The following CHEK2 variants were observed in gnomAD, a reference collection of about 807,000 sequenced individuals.
CHEK2 encodes the protein checkpoint kinase 2.
In CHEK2, 71 loss-of-function variants were observed where a neutral mutation model predicts 69.1. That is an observed-to-expected ratio of 1.03 (90% CI 0.85 to 1.25). CHEK2 has a LOEUF of 1.25. Among genes scored for constraint, CHEK2 ranks in the 50% most tolerant of loss-of-function variants. The pLI is 0.00. For missense variants in CHEK2, 664 were observed against 649.6 expected, an observed-to-expected ratio of 1.02 and a Z score of -0.24; for synonymous variants, 189 against 226.9, an observed-to-expected ratio of 0.83 and a Z score of 1.50.
At chr22:28,711,661 A>G (rs1047098774) in intron 6 of CHEK2, among the ~76,000 whole-genome samples, 25 of 152,102 alleles carry the variant, frequency 1.6e-4, no homozygotes, top group African/African-American at 5.1e-4. Context: ...GGAAGAAGAA[A>G]AAAAAAAACT....
At chr22:28,732,101 C>T (rs1322320912) in intron 2 of CHEK2, among the ~76,000 whole-genome samples, 1 of 151,840 alleles carries the variant, frequency 6.6e-6, no homozygotes. Flanking sequence ...GCCACAACGC[C>T]CCGCAAATTT....
In CHEK2 at chr22:28,722,230, T is replaced by C. The variant is rs188537622; in HGVS notation, c.593-2745A>G. Among the ~76,000 whole-genome samples, 438 of 151,978 alleles carry C rather than the reference T, an allele frequency of 2.9e-3. 1 individual carries two copies. The highest frequency in any genetic ancestry group is 0.01 in the African/African-American group (416 of 41,460). On this transcript the variant is annotated intron_variant, in intron 4 of 14. Coordinates refer to ENST00000404276, the MANE Select transcript of CHEK2 (RefSeq NM_007194.4). Reference sequence around the variant, plus strand: ...CAAAACCTAAAGCAGCTGCCCTGACTATAACTGTCAGATAGAAAACAAAAT... The same window carrying C: ...CAAAACCTAAAGCAGCTGCCCTGACCATAACTGTCAGATAGAAAACAAAAT...
chr22:28,697,596 G>T (rs1349519686), intron 9 of CHEK2, among the ~76,000 whole-genome samples: 1 of 149,994 alleles, frequency 6.7e-6, no homozygotes, highest in African/African-American at 2.5e-5. Flanking sequence ...TTGAAACAAG[G>T]TCTCACTCTG....
At chr22:28,722,157 C>A (rs1480777074) in intron 4 of CHEK2, among the ~76,000 whole-genome samples, 1 of 152,014 alleles carries the variant, frequency 6.6e-6, no homozygotes. Context: ...AGAGGACAGA[C>A]CAAATTTCAG....
Position 28,687,773 on chromosome 22 carries a change from C to T in CHEK2, c.*124G>A, listed in dbSNP as rs1022104515. 4 of 789,414 alleles carry T rather than the reference C, an allele frequency of 5.1e-6. No homozygotes were observed. The African/African-American group carries it at 6.8e-5, about 13-fold the overall frequency. The allele number at this position is 789,414 out of a possible 1,614,324, so 48.9% of individuals were successfully genotyped here. A position where few individuals can be genotyped will look rare whatever the true frequency, so the allele number is the denominator to read the frequency against. On this transcript the variant is annotated 3_prime_UTR_variant, in exon 15 of 15. Transcript: ENST00000404276. ...TTCCATCAGGTTTTTAATTGTACAT[C>T]AGTGACTGTGAAAAAGCAATTATTC...
At chr22:28,718,883 AACACAC>A (rs144577000) in intron 5 of CHEK2, among the ~76,000 whole-genome samples, 4,027 of 140,410 alleles carry the variant, frequency 0.029, 103 homozygotes, top group African/African-American at 0.074. Context: ...CTCTGACACT[AACACAC>A]ACACACACAC....
intron 13 of CHEK2, among the ~76,000 whole-genome samples, chr22:28,689,846 T>G (rs562415193): frequency 1.3e-5 from 2 of 151,988 alleles, no homozygotes; most frequent in Non-Finnish European, 2.9e-5. Context: ...GCACAGACAG[T>G]GTGTATGCGA....
At chr22:28,695,082 C>T (rs1052258209) in intron 12 of CHEK2, 45 bp downstream of exon 12, 1 of 1,183,524 alleles carries the variant, frequency 8.4e-7, no homozygotes, top group African/African-American at 1.5e-5. Flanking sequence ...ACAGCACATA[C>T]ACATTTTAGC....
intron 8 of CHEK2, among the ~76,000 whole-genome samples, chr22:28,701,192 TGTGATCAGGG>T (rs539799078): frequency 2.0e-5 from 3 of 152,202 alleles, no homozygotes; most frequent in Admixed American, 6.6e-5. Flanking sequence ...CTCCCAGTGC[TGTGATCAGGG>T]GTGATCAGGG....
Position 28,723,523 on chromosome 22 carries a change from G to A in CHEK2, c.592+1454C>T, listed in dbSNP as rs368084223. 3.9e-3 allele frequency among the ~76,000 whole-genome samples: 597 copies of A among 151,190 alleles called. 5 individuals carry two copies. The highest frequency in any genetic ancestry group is 0.014 in the African/African-American group (568 of 41,120). ...TGAGGCAGGAGAATGGCGTGAACCC[G>A]GGAGGCGGAGCTTGCAGTGAGCCGA... is the stretch of plus-strand genomic sequence containing the variant. On this transcript the variant is annotated intron_variant, in intron 4 of 14. Coordinates refer to ENST00000404276, the MANE Select transcript of CHEK2 (RefSeq NM_007194.4).
At chr22:28,702,379 C>T (rs1390049220) in intron 8 of CHEK2, among the ~76,000 whole-genome samples, 1 of 151,250 alleles carries the variant, frequency 6.6e-6, no homozygotes, top group Non-Finnish European at 1.5e-5. Flanking sequence ...GCTGGGACTA[C>T]AGGAGCCCAC....
Position 28,723,663 on chromosome 22 carries a change from G to A in CHEK2, c.592+1314C>T, listed in dbSNP as rs377686117. ...ATGTATACAGAAATAAATGAATAGG[G>A]CTGGACATGGTGGCTCCCACCTGTA... On this transcript the variant is annotated intron_variant, in intron 4 of 14. Transcript: ENST00000404276. Among the ~76,000 whole-genome samples the A allele has an allele frequency of 1.8e-3, 276 of 150,010 alleles. 1 individual carries two copies. Among genetic ancestry groups the A allele is most frequent in the South Asian group, 9.1e-3 (43 of 4,732 alleles).
At chr22:28,726,559 A>G (rs1454347208) in intron 2 of CHEK2, among the ~76,000 whole-genome samples, 1 of 145,736 alleles carries the variant, frequency 6.9e-6, no homozygotes, top group Non-Finnish European at 1.5e-5. Flanking sequence ...TTATATCTAA[A>G]TATATAATAA....
intron 3 of CHEK2, 49 bp from the exon 4 acceptor site, chr22:28,725,173 A>G (rs2146063790): frequency 1.2e-6 from 2 of 1,613,844 alleles, no homozygotes; most frequent in Non-Finnish European, 1.7e-6. Context: ...AGAGATTTAT[A>G]GTGGGAAAAT....
chr22:28,722,786 A>G (rs1424631779), intron 4 of CHEK2, among the ~76,000 whole-genome samples: 1 of 152,054 alleles, frequency 6.6e-6, no homozygotes, highest in Non-Finnish European at 1.5e-5. Flanking sequence ...GCACAATCAT[A>G]GCTCACTGTA....
chr22:28,703,575 AG>A lies in CHEK2; in HGVS notation c.847-10del, dbSNP rs1060504694. The stretch of plus-strand genomic sequence containing the variant: ...ATCTTGATGATGCAAGGCTAAGAAG[AG>A]GGGGAGAAAAAAGGGAAAGTAGTGA... On this transcript the variant is annotated splice_polypyrimidine_tract_variant and intron_variant, in intron 7 of 14. Transcript: ENST00000404276. 2 of 1,544,108 alleles carry A rather than the reference AG, an allele frequency of 1.3e-6. No homozygotes were observed. The highest frequency in any genetic ancestry group is 8.9e-7 in the Non-Finnish European group (1 of 1,123,146).
rs151293587 is a variant in CHEK2, at chr22:28,724,235, G to A, written c.592+742C>T. On this transcript the variant is annotated intron_variant, in intron 4 of 14. Transcript: ENST00000404276. ...AGCCTGGCCAACACAGTGAAACCCCGTCTCTACTAAAAGTACAAAAAAATT... is the reference window on the plus strand; with the variant it reads ...AGCCTGGCCAACACAGTGAAACCCCATCTCTACTAAAAGTACAAAAAAATT... Among the ~76,000 whole-genome samples the A allele has an allele frequency of 7.8e-3, 1,188 of 152,060 alleles. 15 individuals are homozygous for A. Among genetic ancestry groups the A allele is most frequent in the African/African-American group, 0.028 (1,143 of 41,494 alleles).
At chr22:28,702,394 A>G (rs1183907689) in intron 8 of CHEK2, among the ~76,000 whole-genome samples, 1 of 150,304 alleles carries the variant, frequency 6.7e-6, no homozygotes, top group Admixed American at 6.7e-5. Flanking sequence ...GCCCACCACC[A>G]CACCCAGCTA....
chr22:28,703,479 A>G (rs1303207520), intron 8 of CHEK2, 26 bp downstream of exon 8: 9 of 1,199,764 alleles, frequency 7.5e-6, no homozygotes, highest in South Asian at 1.3e-5. Context: ...ATGGAAACAG[A>G]AATTTTTAAA....
Sources: gnomAD v4.1 joint callset for allele counts (sites outside exome capture counted in the v4.1 genomes callset) on GRCh38, gnomAD v4.1.1 for gene constraint, MANE v1.5 for transcripts, NCBI Gene and HGNC (gene_info 2026-07-23, HGNC 2026-07-21) for gene names.